The following LPGAT1 variants were observed in gnomAD, a reference collection of about 807,000 sequenced individuals.
The protein encoded by LPGAT1 is lysophosphatidylglycerol acyltransferase 1, also known as acyl-CoA:lysophosphatidylglycerol acyltransferase 1.
A neutral mutation model predicts 47.5 loss-of-function variants in LPGAT1; 11 were observed. The observed-to-expected ratio is 0.23, with a 90% CI of 0.15 to 0.38. The LOEUF is 0.38. Among genes scored for constraint, LPGAT1 ranks in the 10% least tolerant of loss-of-function variants. The probability of loss-of-function intolerance (pLI) is 1.00; values close to 1 mark genes in which losing one functional copy is unlikely to be tolerated. For missense variants in LPGAT1, 293 were observed against 439.0 expected, an observed-to-expected ratio of 0.67 and a Z score of 2.97; for synonymous variants, 138 against 144.2, an observed-to-expected ratio of 0.96 and a Z score of 0.31.
chr1:211,786,269 T>A (rs1321519700), intron 4 of LPGAT1, among the ~76,000 whole-genome samples: 1 of 152,266 alleles, frequency 6.6e-6, no homozygotes, highest in Non-Finnish European at 1.5e-5. Context: ...TACATGTGTT[T>A]TGTGACACTT....
intron 2 of LPGAT1, among the ~76,000 whole-genome samples, chr1:211,800,696 T>C (rs544899574): frequency 1.2e-4 from 19 of 152,284 alleles, no homozygotes; most frequent in African/African-American, 4.6e-4. Context: ...AAAAGGTAAT[T>C]CCAAACATCC....
At chr1:211,758,002 C>A (rs912378336) in intron 6 of LPGAT1, among the ~76,000 whole-genome samples, 2 of 152,180 alleles carry the variant, frequency 1.3e-5, no homozygotes, top group Non-Finnish European at 2.9e-5. Flanking sequence ...AGCCACCAGG[C>A]AAACATGTTT....
intron 2 of LPGAT1, among the ~76,000 whole-genome samples, chr1:211,825,523 A>G (rs1168252888): frequency 1.3e-5 from 2 of 152,184 alleles, no homozygotes; most frequent in Non-Finnish European, 2.9e-5. Context: ...GTACTGATTT[A>G]TCCTAGATCC....
intron 2 of LPGAT1, among the ~76,000 whole-genome samples, chr1:211,824,114 G>A (rs113656847): frequency 6.6e-6 from 1 of 152,246 alleles, no homozygotes; most frequent in African/African-American, 2.4e-5. Context: ...AGAACATTCA[G>A]CCCAGTGCAG....
In LPGAT1 at chr1:211,811,701, G is replaced by A. The variant is rs576520171; in HGVS notation, c.238+17358C>T. Among the ~76,000 whole-genome samples, 4 of 152,242 alleles carry A rather than the reference G, an allele frequency of 2.6e-5. No homozygotes were observed. The South Asian group carries it at 6.2e-4, about 24-fold the overall frequency. On this transcript the variant is annotated intron_variant, in intron 2 of 7. Coordinates refer to ENST00000366997, the MANE Select transcript of LPGAT1 (RefSeq NM_014873.3). ...GAACCTGGGAGGTGGAGGGTGCAGT[G>A]TGCCAAGATCCTGCCACCCGCCACT... is the stretch of plus-strand genomic sequence containing the variant.
At chr1:211,789,994 GTCCCTCAGA>G (rs765714326) in intron 3 of LPGAT1, among the ~76,000 whole-genome samples, 9 of 152,078 alleles carry the variant, frequency 5.9e-5, no homozygotes, top group Non-Finnish European at 1.3e-4. Context: ...TGATAGGTCT[GTCCCTCAGA>G]ACTTTTCCAT....
chr1:211,826,842 A>C (rs754851890), intron 2 of LPGAT1, among the ~76,000 whole-genome samples: 14 of 152,214 alleles, frequency 9.2e-5, no homozygotes, highest in Non-Finnish European at 2.1e-4. Context: ...GCAATGTTCA[A>C]TTTTCCATCT....
chr1:211,782,973 C>T (rs779442742), intron 5 of LPGAT1, among the ~76,000 whole-genome samples: 3 of 152,028 alleles, frequency 2.0e-5, no homozygotes, highest in Non-Finnish European at 4.4e-5. Flanking sequence ...TTTACTGCAG[C>T]GGTGGGAATG....
rs1656866136 is a variant in LPGAT1 at position 211,744,539 on chromosome 1, G to A, written c.*5360C>T. ...AATCAATCATAGGTTGACTGTAGGA[G>A]TTGAGCAAAAAGCAATTAAGTATCC... On this transcript the variant is annotated 3_prime_UTR_variant, in exon 8 of 8. Transcript: ENST00000366997. The A allele has an allele frequency of 6.6e-6, 1 of 152,186 alleles. No homozygotes were observed. The highest frequency in any genetic ancestry group is 2.4e-5 in the African/African-American group (1 of 41,444). 9.4% of individuals were successfully genotyped at this position (152,186 alleles called of 1,614,324 possible).
intron 6 of LPGAT1, among the ~76,000 whole-genome samples, chr1:211,768,662 T>C (rs1658039753): frequency 6.6e-6 from 1 of 152,236 alleles, no homozygotes; most frequent in African/African-American, 2.4e-5. Context: ...CAGAGCTTAA[T>C]TCTGGTATCT....
chr1:211,783,998 T>C (rs182884313), intron 4 of LPGAT1, among the ~76,000 whole-genome samples: 8 of 152,232 alleles, frequency 5.3e-5, no homozygotes, highest in African/African-American at 1.9e-4. Flanking sequence ...GCAGAACTGA[T>C]AATGTGAGGG....
rs973674792 is a variant in LPGAT1, at chr1:211,743,758, A to T, written c.*6141T>A. On this transcript the variant is annotated 3_prime_UTR_variant, in exon 8 of 8. Transcript: ENST00000366997. ...CTGTTCCTTGTCTTCCACAGAAAGT[A>T]GTTCCAGGGGAAAAAGAAATTAGAA... The T allele has an allele frequency of 1.3e-5, 2 of 152,204 alleles. No homozygotes were observed. Among genetic ancestry groups the T allele is most frequent in the African/African-American group, 2.4e-5 (1 of 41,454 alleles). The allele number at this position is 152,204 out of a possible 1,614,324, so 9.4% of individuals were successfully genotyped here. A position where few individuals can be genotyped will look rare whatever the true frequency, so the allele number is the denominator to read the frequency against.
intron 4 of LPGAT1, among the ~76,000 whole-genome samples, chr1:211,786,020 C>T (rs946448789): frequency 6.6e-6 from 1 of 152,146 alleles, no homozygotes; most frequent in African/African-American, 2.4e-5. Context: ...CTTTTCGGAT[C>T]CCTGAGACTG....
intron 4 of LPGAT1, among the ~76,000 whole-genome samples, chr1:211,783,808 C>T (rs1658736211): frequency 1.3e-5 from 2 of 152,152 alleles, no homozygotes; most frequent in African/African-American, 2.4e-5. Context: ...ACGCATTGTC[C>T]TAGGCACTAG....
intron 2 of LPGAT1, among the ~76,000 whole-genome samples, chr1:211,821,623 G>A (rs533816352): frequency 6.6e-6 from 1 of 152,240 alleles, no homozygotes; most frequent in South Asian, 2.1e-4. Context: ...AGTAGTAGAA[G>A]CATAAGCATA....
At chr1:211,751,105 G>T in intron 6 of LPGAT1, 38 bp from the exon 7 acceptor site, 1 of 1,324,866 alleles carries the variant, frequency 7.5e-7, no homozygotes, top group Non-Finnish European at 1.1e-6. Flanking sequence ...AAACTATTTA[G>T]TTCAGAAGTC....
intron 2 of LPGAT1, among the ~76,000 whole-genome samples, chr1:211,805,980 C>A (rs1290403082): frequency 6.6e-6 from 1 of 152,180 alleles, no homozygotes; most frequent in East Asian, 1.9e-4. Flanking sequence ...AAATATCAGG[C>A]CGGGCGCAGT....
At chr1:211,792,620 C>A (rs1254865569) in intron 3 of LPGAT1, among the ~76,000 whole-genome samples, 1 of 138,452 alleles carries the variant, frequency 7.2e-6, no homozygotes, top group African/African-American at 2.7e-5. Flanking sequence ...TATATTTTTT[C>A]TTTTAATATT....
Position 211,743,858 on chromosome 1 carries a change from G to A in LPGAT1, c.*6041C>T, listed in dbSNP as rs1304653731. On this transcript the variant is annotated 3_prime_UTR_variant, in exon 8 of 8. Transcript: ENST00000366997. ...ACGACTGTAACGATTTAACTCATTT[G>A]GTAGACTGTGCAAGATATTTTAATA... 6.6e-6 allele frequency: 1 copy of A among 152,114 alleles called. No homozygotes were observed. Among genetic ancestry groups the A allele is most frequent in the Non-Finnish European group, 1.5e-5 (1 of 68,024 alleles). 9.4% of individuals were successfully genotyped at this position (152,114 alleles called of 1,614,324 possible). A position where few individuals can be genotyped will look rare whatever the true frequency, so the allele number is the denominator to read the frequency against.
Sources: gnomAD v4.1 joint callset for allele counts (sites outside exome capture counted in the v4.1 genomes callset) on GRCh38, gnomAD v4.1.1 for gene constraint, MANE v1.5 for transcripts, NCBI Gene and HGNC (gene_info 2026-07-23, HGNC 2026-07-21) for gene names.